The following PHACTR1 variants were observed in gnomAD, a reference collection of about 807,000 sequenced individuals.
PHACTR1 encodes the protein RPEL repeat containing 1.
A neutral mutation model predicts 69.2 loss-of-function variants in PHACTR1; 16 were observed. The observed-to-expected ratio is 0.23, with a 90% confidence interval of 0.16 to 0.35. PHACTR1 has a LOEUF of 0.35. Ranked by LOEUF, PHACTR1 falls within the 10% of genes least tolerant of loss-of-function variation. PHACTR1 has a pLI of 1.00. For missense variants in PHACTR1, 510 were observed against 734.7 expected (o/e 0.69, Z 3.54); for synonymous variants, 312 against 284.5 (o/e 1.10, Z -0.97).
chr6:13,269,690 G>A (rs1159494007), intron 10 of PHACTR1, among the ~76,000 whole-genome samples: 10 of 151,956 alleles, frequency 6.6e-5, no homozygotes, highest in Non-Finnish European at 1.3e-4. Flanking sequence ...AAACTAGCAC[G>A]GGGCATGGTG....
intron 6 of PHACTR1, among the ~76,000 whole-genome samples, chr6:13,180,775 C>T (rs1053930853): frequency 2.0e-5 from 3 of 152,112 alleles, no homozygotes; most frequent in Non-Finnish European, 2.9e-5. Flanking sequence ...AATAAAGGCA[C>T]GTTAAGAAGA....
intron 5 of PHACTR1, among the ~76,000 whole-genome samples, chr6:13,113,712 C>T (rs554461956): frequency 7.9e-5 from 12 of 152,274 alleles, no homozygotes; most frequent in African/African-American, 2.9e-4. Context: ...ACAAGACTCC[C>T]AGCTAATCGG....
At chr6:12,768,437 C>T (rs1768947616) in intron 4 of PHACTR1, among the ~76,000 whole-genome samples, 1 of 152,092 alleles carries the variant, frequency 6.6e-6, no homozygotes, top group South Asian at 2.1e-4. Context: ...AGAACAGATC[C>T]TGGAAGAAAC....
At chr6:13,272,612 G>C (rs1048567606) in intron 10 of PHACTR1, 1 of 1,190,006 alleles carries the variant, frequency 8.4e-7, no homozygotes, top group African/African-American at 1.6e-5. Flanking sequence ...GAGGAGATGG[G>C]GCTGGGGAGG....
At chr6:13,224,114 T>A (rs1285673175) in intron 8 of PHACTR1, among the ~76,000 whole-genome samples, 1 of 152,248 alleles carries the variant, frequency 6.6e-6, no homozygotes, top group Non-Finnish European at 1.5e-5. Context: ...TTACTGAGCA[T>A]CTACTTTGTG....
intron 5 of PHACTR1, among the ~76,000 whole-genome samples, chr6:13,062,654 C>A (rs962893029): frequency 6.6e-6 from 1 of 152,180 alleles, no homozygotes; most frequent in African/African-American, 2.4e-5. Flanking sequence ...TCCATGCTAG[C>A]CCCAGATTTC....
rs1377316133 is a variant in PHACTR1 at position 13,160,268 on chromosome 6, G to A, written c.480G>A (p.Lys160=). ...REELIKRGVL[K]EIYDKDGELS... The stretch of plus-strand genomic sequence containing the variant: ...AGCTGATAAAGCGAGGAGTCCTGAA[G>A]GAAATCTATGATAAAGGTAAGGAGG... The change falls in exon 6 of 15, where the codon AAG becomes AAA. Residue 160 remains lysine, a synonymous_variant. Coordinates refer to ENST00000332995, the MANE Select transcript of PHACTR1 (RefSeq NM_030948.6). The A allele has an allele frequency of 6.2e-7, 1 of 1,613,412 alleles. No homozygotes were observed. The highest frequency in any genetic ancestry group is 1.3e-5 in the African/African-American group (1 of 74,910).
chr6:12,761,371 A>G (rs540507227), intron 4 of PHACTR1, among the ~76,000 whole-genome samples: 1 of 152,372 alleles, frequency 6.6e-6, no homozygotes, highest in South Asian at 2.1e-4. Flanking sequence ...TGACTCCAGC[A>G]TTTAACAATT....
intron 4 of PHACTR1, among the ~76,000 whole-genome samples, chr6:12,786,186 C>T (rs1174397088): frequency 6.6e-6 from 1 of 152,058 alleles, no homozygotes; most frequent in Non-Finnish European, 1.5e-5. Context: ...GTACAATGTT[C>T]AATTATAAAG....
intron 4 of PHACTR1, among the ~76,000 whole-genome samples, chr6:12,847,984 A>G (rs1779454321): frequency 1.3e-5 from 2 of 152,192 alleles, no homozygotes; most frequent in East Asian, 1.9e-4. Context: ...ATATCTCACC[A>G]TCTTGATGTG....
intron 5 of PHACTR1, among the ~76,000 whole-genome samples, chr6:13,157,381 A>G (rs1758336899): frequency 6.6e-6 from 1 of 152,228 alleles, no homozygotes; most frequent in South Asian, 2.1e-4. Flanking sequence ...TAATATCATC[A>G]TTTGATGATG....
intron 4 of PHACTR1, among the ~76,000 whole-genome samples, chr6:12,755,033 A>C (rs9395098): frequency 0.084 from 12,796 of 152,194 alleles, 639 homozygotes; most frequent in Admixed American, 0.11. Context: ...AATGGGAAGC[A>C]CTTTCCCATA....
intron 4 of PHACTR1, among the ~76,000 whole-genome samples, chr6:12,829,771 C>T (rs1049388549): frequency 6.6e-6 from 1 of 150,472 alleles, no homozygotes; most frequent in Non-Finnish European, 1.5e-5. Flanking sequence ...GCTGGCCAAC[C>T]TGGTGAAACC....
At chr6:13,286,482 C>CA (rs1362816600) in intron 14 of PHACTR1, among the ~76,000 whole-genome samples, 4 of 152,204 alleles carry the variant, frequency 2.6e-5, no homozygotes, top group Non-Finnish European at 5.9e-5. Context: ...ACCAGACTAC[C>CA]AACGACCCCA....
intron 10 of PHACTR1, among the ~76,000 whole-genome samples, chr6:13,232,306 G>A (rs1370819723): frequency 3.3e-5 from 5 of 152,210 alleles, no homozygotes; most frequent in Non-Finnish European, 7.3e-5. Flanking sequence ...TGCTACCTAA[G>A]AGCAGCTTCT....
chr6:12,746,584 A>AT (rs1765810925), intron 3 of PHACTR1, among the ~76,000 whole-genome samples: 1 of 152,192 alleles, frequency 6.6e-6, no homozygotes, highest in Admixed American at 6.5e-5. Flanking sequence ...TTCTATGCCC[A>AT]TTTTTGTCAA....
intron 4 of PHACTR1, among the ~76,000 whole-genome samples, chr6:12,785,293 G>T (rs1771401773): frequency 6.6e-6 from 1 of 152,198 alleles, no homozygotes; most frequent in Non-Finnish European, 1.5e-5. Flanking sequence ...TCATAGAAAA[G>T]GTGGCTGTAT....
At chr6:13,232,435 T>C (rs910532464) in intron 10 of PHACTR1, among the ~76,000 whole-genome samples, 1 of 152,234 alleles carries the variant, frequency 6.6e-6, no homozygotes, top group African/African-American at 2.4e-5. Flanking sequence ...AGTCATAGAA[T>C]GAAAACATCT....
At chr6:12,833,200 G>A (rs1777771598) in intron 4 of PHACTR1, among the ~76,000 whole-genome samples, 1 of 151,726 alleles carries the variant, frequency 6.6e-6, no homozygotes, top group African/African-American at 2.4e-5. Flanking sequence ...TTAAACCTGG[G>A]CACATCTAAG....
Sources: allele counts gnomAD v4.1 joint callset (sites outside exome capture counted in the v4.1 genomes callset), GRCh38; gene constraint gnomAD v4.1.1; transcripts MANE v1.5; gene names NCBI Gene and HGNC (gene_info 2026-07-23, HGNC 2026-07-21).